Variants in SPATA17 observed in about 807,000 individuals in gnomAD.
The protein encoded by SPATA17 is spermatogenesis associated 17, also known as spermatogenesis-associated protein 17.
Under a neutral mutation model 62.2 loss-of-function variants are expected in SPATA17, and 53 were observed. The observed-to-expected ratio is 0.85, with a 90% CI of 0.68 to 1.07. The LOEUF is 1.07. Ranked by LOEUF, SPATA17 falls within the 50% of genes least tolerant of loss-of-function variation. The pLI is 0.00. For missense variants in SPATA17, 466 were observed against 425.5 expected (o/e 1.10, Z -0.84); for synonymous variants, 146 against 146.8 (o/e 0.99, Z 0.04).
intron 6 of SPATA17, among the ~76,000 whole-genome samples, chr1:217,770,270 T>C (rs1003633259): frequency 6.6e-6 from 1 of 152,190 alleles, no homozygotes; most frequent in Non-Finnish European, 1.5e-5. Flanking sequence ...GGCAAGAAAA[T>C]AGTTTTAAAT....
At chr1:217,671,643 A>G (rs1032669964) in intron 4 of SPATA17, among the ~76,000 whole-genome samples, 9 of 151,172 alleles carry the variant, frequency 6.0e-5, no homozygotes, top group Middle Eastern at 6.8e-3. Flanking sequence ...GTCCTCTCCT[A>G]TCCTCCTCCT....
At position 217,869,030 on chromosome 1, in the gene SPATA17, G is replaced by A. The variant is rs1300415853; in HGVS notation, c.*2011G>A. 6.6e-6 allele frequency: 1 copy of A among 152,232 alleles called. No homozygotes were observed. The highest frequency in any genetic ancestry group is 1.5e-5 in the Non-Finnish European group (1 of 68,088). 9.4% of individuals were successfully genotyped at this position (152,232 alleles called of 1,614,324 possible). A position where few individuals can be genotyped will look rare whatever the true frequency, so the allele number is the denominator to read the frequency against. On this transcript the variant is annotated 3_prime_UTR_variant, in exon 11 of 11. Transcript: ENST00000366933. ...AGAAGTTTATTTGGCCAAGGTTAAG[G>A]ACATGCCCTTGACACTGCACCTGTC...
intron 3 of SPATA17, among the ~76,000 whole-genome samples, chr1:217,653,608 G>GA (rs1325390680): frequency 2.1e-5 from 3 of 140,200 alleles, no homozygotes; most frequent in African/African-American, 9.9e-5. Flanking sequence ...TGTGGTTGTA[G>GA]AAACAATCGT....
intron 8 of SPATA17, among the ~76,000 whole-genome samples, chr1:217,794,116 A>AG (rs1491184728): frequency 7.7e-6 from 1 of 129,170 alleles, no homozygotes; most frequent in African/African-American, 2.8e-5. Context: ...ACTCCGTCAC[A>AG]AAAAAAAAAA....
At chr1:217,734,577 A>C (rs548562429) in intron 5 of SPATA17, among the ~76,000 whole-genome samples, 67 of 152,338 alleles carry the variant, frequency 4.4e-4, no homozygotes, top group African/African-American at 1.5e-3. Context: ...GAATAAGGAC[A>C]GTAAAAAGTT....
At chr1:217,646,107 A>G (rs1246499766) in intron 1 of SPATA17, among the ~76,000 whole-genome samples, 1 of 151,944 alleles carries the variant, frequency 6.6e-6, no homozygotes, top group Non-Finnish European at 1.5e-5. Flanking sequence ...TATGCATAAA[A>G]CTCTGAAAAC....
At chr1:217,836,002 C>T (rs1675252504) in intron 9 of SPATA17, among the ~76,000 whole-genome samples, 1 of 152,058 alleles carries the variant, frequency 6.6e-6, no homozygotes, top group African/African-American at 2.4e-5. Context: ...TTGTACTCCC[C>T]ACCTAATCAG....
At chr1:217,661,276 A>T (rs1028815609) in intron 3 of SPATA17, among the ~76,000 whole-genome samples, 1 of 151,930 alleles carries the variant, frequency 6.6e-6, no homozygotes, top group Non-Finnish European at 1.5e-5. Context: ...CAGTGATGTT[A>T]TATCACAGGA....
intron 5 of SPATA17, among the ~76,000 whole-genome samples, chr1:217,739,998 T>C (rs901347800): frequency 1.3e-5 from 2 of 152,012 alleles, no homozygotes; most frequent in African/African-American, 2.4e-5. Context: ...TTTTGTTCAC[T>C]GTGCCATGCC....
chr1:217,829,327 G>A (rs1402636693), intron 9 of SPATA17, among the ~76,000 whole-genome samples: 4 of 151,896 alleles, frequency 2.6e-5, no homozygotes, highest in African/African-American at 9.7e-5. Flanking sequence ...GCCAGACACA[G>A]AAAGAAAATA....
In SPATA17 at chr1:217,870,096, C is replaced by T. The variant is rs1446073646; in HGVS notation, c.*3077C>T. On this transcript the variant is annotated 3_prime_UTR_variant, in exon 11 of 11. Coordinates refer to ENST00000366933, the MANE Select transcript of SPATA17 (RefSeq NM_138796.4). ...ACTTATAACAAAATAAATAATTGGC[C>T]ATCTTCATTGGATTGTGAAGCCATT... The T allele has an allele frequency of 6.6e-6, 1 of 151,938 alleles. No individual in the cohort carries two copies. The highest frequency in any genetic ancestry group is 6.6e-5 in the Admixed American group (1 of 15,220). The allele number at this position is 151,938 out of a possible 1,614,324, so 9.4% of individuals were successfully genotyped here. A position where few individuals can be genotyped will look rare whatever the true frequency, so the allele number is the denominator to read the frequency against.
chr1:217,820,789 A>G (rs750334415), intron 9 of SPATA17, among the ~76,000 whole-genome samples: 1 of 152,042 alleles, frequency 6.6e-6, no homozygotes, highest in Non-Finnish European at 1.5e-5. Context: ...AATTGAAACC[A>G]TGAAAGCAGA....
Position 217,787,365 on chromosome 1 carries a change from G to A in SPATA17, c.872+5043G>A, listed in dbSNP as rs531537359. Among the ~76,000 whole-genome samples the A allele has an allele frequency of 7.9e-5, 12 of 151,942 alleles. No individual in the cohort carries two copies. The East Asian group carries it at 1.2e-3, about 15-fold the overall frequency. On this transcript the variant is annotated intron_variant, in intron 8 of 10. Coordinates refer to ENST00000366933, the MANE Select transcript of SPATA17 (RefSeq NM_138796.4). ...AGGATAAAGTTTAATTTCTTATTTC[G>A]AGACACAGTTTCCTCAGGATCTGAT...
At chr1:217,760,822 G>T (rs1056304120) in intron 6 of SPATA17, among the ~76,000 whole-genome samples, 3 of 152,060 alleles carry the variant, frequency 2.0e-5, no homozygotes, top group Admixed American at 2.0e-4. Context: ...AAATCATTTG[G>T]AAGTCAAATC....
At chr1:217,850,254 A>G (rs1381887688) in intron 9 of SPATA17, 37 of 298,796 alleles carry the variant, frequency 1.2e-4, no homozygotes, top group Non-Finnish European at 2.0e-5. Flanking sequence ...AATTTTCTTT[A>G]ATGCTACCAT....
chr1:217,847,927 G>A (rs116001907), intron 9 of SPATA17, among the ~76,000 whole-genome samples: 1,566 of 152,128 alleles, frequency 0.01, 14 homozygotes, highest in Non-Finnish European at 0.017. Flanking sequence ...AGCTATGTGG[G>A]AGGCCGATGT....
intron 9 of SPATA17, among the ~76,000 whole-genome samples, chr1:217,825,947 T>G (rs186666796): frequency 5.1e-4 from 78 of 152,260 alleles, no homozygotes; most frequent in African/African-American, 1.7e-3. Flanking sequence ...AATTTATATT[T>G]TATTGTTATT....
intron 2 of SPATA17, among the ~76,000 whole-genome samples, chr1:217,649,584 A>C (rs570268763): frequency 6.6e-6 from 1 of 152,342 alleles, no homozygotes; most frequent in Non-Finnish European, 1.5e-5. Context: ...TATAGCAATA[A>C]ATTCATTGAC....
chr1:217,859,993 A>G (rs1285413332), intron 9 of SPATA17, among the ~76,000 whole-genome samples: 1 of 152,024 alleles, frequency 6.6e-6, no homozygotes, highest in Non-Finnish European at 1.5e-5. Context: ...GGAAGCTTTG[A>G]TTATTGACTT....
Sources: allele counts gnomAD v4.1 joint callset (sites outside exome capture counted in the v4.1 genomes callset), GRCh38; gene constraint gnomAD v4.1.1; transcripts MANE v1.5; gene names NCBI Gene and HGNC (gene_info 2026-07-23, HGNC 2026-07-21).